The following DYRK4 variants were observed in gnomAD, a reference collection of about 807,000 sequenced individuals.
The protein encoded by DYRK4 is dual specificity tyrosine phosphorylation regulated kinase 4.
A neutral mutation model predicts 68.3 loss-of-function variants in DYRK4; 64 were observed. The observed-to-expected ratio is 0.94, with a 90% CI of 0.77 to 1.15. The LOEUF is 1.15. Among genes scored for constraint, DYRK4 ranks in the 50% most tolerant of loss-of-function variants. The probability of loss-of-function intolerance (pLI) is 0.00; values close to 1 mark genes in which losing one functional copy is unlikely to be tolerated. For synonymous variants in DYRK4, 274 were observed against 289.9 expected, an observed-to-expected ratio of 0.95 and a Z score of 0.56; for missense variants, 740 against 764.7, an observed-to-expected ratio of 0.97 and a Z score of 0.38.
At chr12:4,609,732 A>G (rs1329864964) in intron 12 of DYRK4, among the ~76,000 whole-genome samples, 1 of 152,228 alleles carries the variant, frequency 6.6e-6, no homozygotes, top group Non-Finnish European at 1.5e-5. Context: ...ATGTAGGATG[A>G]AGTGGGAGGG....
At chr12:4,611,474 GTTATC>G (rs754207383) in intron 13 of DYRK4, among the ~76,000 whole-genome samples, 15 of 151,972 alleles carry the variant, frequency 9.9e-5, no homozygotes, top group Non-Finnish European at 1.3e-4. Flanking sequence ...GATGGGGACT[GTTATC>G]TTATATATAT....
intron 2 of DYRK4, among the ~76,000 whole-genome samples, chr12:4,576,900 A>G (rs1944794996): frequency 6.6e-6 from 1 of 152,210 alleles, no homozygotes; most frequent in African/African-American, 2.4e-5. Flanking sequence ...GTATACTTAG[A>G]CACAATCCCT....
intron 1 of DYRK4, among the ~76,000 whole-genome samples, chr12:4,566,210 A>G (rs563003042): frequency 6.6e-6 from 1 of 152,232 alleles, no homozygotes; most frequent in East Asian, 1.9e-4. Context: ...GTGCTTCGTG[A>G]TATTGCCAGA....
At chr12:4,589,158 A>C in intron 3 of DYRK4, 141 bp downstream of exon 3, 1 of 656,906 alleles carries the variant, frequency 1.5e-6, no homozygotes, top group South Asian at 2.0e-5. Flanking sequence ...CCACGTCACC[A>C]CACCCCATCT....
intron 2 of DYRK4, among the ~76,000 whole-genome samples, chr12:4,584,162 C>A (rs1341773370): frequency 1.3e-5 from 2 of 152,172 alleles, no homozygotes; most frequent in Non-Finnish European, 1.5e-5. Context: ...TAGAATGTGG[C>A]TCCCAAATCT....
chr12:4,568,056 T>A lies in DYRK4; in HGVS notation c.132+8T>A. On this transcript the variant is annotated splice_region_variant and intron_variant, in intron 2 of 14. Transcript: ENST00000543431. ...AAGTTCACCTCTGCGAAGGTAAAGA[T>A]CCTTGAATTTTCACTGGGGAAGAGA... The A allele has an allele frequency of 6.5e-7, 1 of 1,535,416 alleles. No individual in the cohort carries two copies. The highest frequency in any genetic ancestry group is 8.7e-7 in the Non-Finnish European group (1 of 1,146,286).
chr12:4,564,848 A>G (rs1409577152), intron 1 of DYRK4, among the ~76,000 whole-genome samples: 3 of 152,238 alleles, frequency 2.0e-5, no homozygotes, highest in Middle Eastern at 3.2e-3. Flanking sequence ...ATCACCATCT[A>G]TGTCTCCAAA....
At chr12:4,565,534 C>T (rs527595188) in intron 1 of DYRK4, among the ~76,000 whole-genome samples, 15 of 152,246 alleles carry the variant, frequency 9.9e-5, no homozygotes, top group South Asian at 4.2e-4. Context: ...GATTCCTCAG[C>T]GTTTCCTTCA....
intron 3 of DYRK4, 123 bp downstream of exon 3, chr12:4,589,140 C>G: frequency 1.3e-6 from 1 of 775,884 alleles, no homozygotes; most frequent in South Asian, 1.7e-5. Context: ...ATGATGACAG[C>G]ACTCTATCCA....
Position 4,568,027 on chromosome 12 carries a change from A to G in DYRK4, c.111A>G (p.Lys37=), listed in dbSNP as rs1218724913. The part of the protein sequence containing the change: ...TPFLVLKARK[K]QKFTSAKVGS... ...TCCTGGTTTTGAAAGCAAGAAAGAA[A>G]CAAAAGTTCACCTCTGCGAAGGTAA... The change falls in exon 2 of 15, where the codon AAA becomes AAG. Residue 37 remains lysine (K), a synonymous_variant. Transcript: ENST00000543431. 1 of 1,536,144 alleles carries G rather than the reference A, an allele frequency of 6.5e-7. No individual in the cohort carries two copies. The highest frequency in any genetic ancestry group is 8.7e-7 in the Non-Finnish European group (1 of 1,146,904).
At chr12:4,595,551 C>T (rs1047471681) in intron 6 of DYRK4, among the ~76,000 whole-genome samples, 4 of 152,124 alleles carry the variant, frequency 2.6e-5, no homozygotes, top group South Asian at 2.1e-4. Flanking sequence ...AAATATTTCT[C>T]TTCACCAAGA....
At chr12:4,599,246 C>T in intron 9 of DYRK4, 80 bp downstream of exon 9, 1 of 1,272,950 alleles carries the variant, frequency 7.9e-7, no homozygotes, top group Admixed American at 2.2e-5. Flanking sequence ...CAATCACAAA[C>T]TCCAATCAAA....
In DYRK4 at chr12:4,586,729, C is replaced by CACACACAG. The variant is rs368783190; in HGVS notation, c.133-2205_133-2204insCACAGACA. 9.1e-3 allele frequency among the ~76,000 whole-genome samples: 1,027 copies of CACACACAG among 112,446 alleles called. 5 individuals are homozygous for CACACACAG. The highest frequency in any genetic ancestry group is 0.013 in the African/African-American group (452 of 35,214). The allele number at this position is 112,446 out of a possible 152,430, so 73.8% of individuals were successfully genotyped here. ...GTACACACACACACACACACACACA[C>CACACACAG]ACAGACACACACACACACCCCTTTG... is the stretch of plus-strand genomic sequence containing the variant. On this transcript the variant is annotated intron_variant, in intron 2 of 14. Coordinates refer to ENST00000543431, the MANE Select transcript of DYRK4 (RefSeq NM_001394779.1).
chr12:4,581,965 T>C (rs970505231), intron 2 of DYRK4, among the ~76,000 whole-genome samples: 2 of 152,246 alleles, frequency 1.3e-5, no homozygotes, highest in Non-Finnish European at 2.9e-5. Context: ...ATGTTGCATA[T>C]ACACTTTATG....
chr12:4,602,502 T>C, intron 10 of DYRK4: 1 of 1,312,588 alleles, frequency 7.6e-7, no homozygotes, highest in African/African-American at 1.4e-5. Context: ...CTTGGACAAG[T>C]CTTGCGGTTG....
intron 1 of DYRK4, among the ~76,000 whole-genome samples, chr12:4,565,552 C>T (rs1451309386): frequency 3.3e-5 from 5 of 152,246 alleles, no homozygotes; most frequent in Non-Finnish European, 7.4e-5. Context: ...TCAGTGTTTG[C>T]TCCTTCTCTG....
intron 6 of DYRK4, among the ~76,000 whole-genome samples, chr12:4,595,794 C>G (rs971454048): frequency 6.6e-6 from 1 of 152,192 alleles, no homozygotes; most frequent in African/African-American, 2.4e-5. Flanking sequence ...TTTTTCCAAC[C>G]CTCTTACTTT....
At chr12:4,597,855 C>T (rs1249202686) in intron 8 of DYRK4, among the ~76,000 whole-genome samples, 2 of 152,080 alleles carry the variant, frequency 1.3e-5, no homozygotes, top group African/African-American at 2.4e-5. Flanking sequence ...GCCTGGCCAA[C>T]GTGGTGAAAC....
In DYRK4 at chr12:4,574,186, C is replaced by T. The variant is rs181863170; in HGVS notation, c.132+6138C>T. ...GTTGCAGTGCGCCGAGATCGCGCCA[C>T]TGCACCCTGGCCTGGGCGACAGAGC... On this transcript the variant is annotated intron_variant, in intron 2 of 14. Transcript: ENST00000543431. 8.4e-3 allele frequency among the ~76,000 whole-genome samples: 1,243 copies of T among 147,214 alleles called. 8 individuals are homozygous for T. The highest frequency in any genetic ancestry group is 0.024 in the South Asian group (111 of 4,670).
Sources: gnomAD v4.1 joint callset for allele counts (sites outside exome capture counted in the v4.1 genomes callset) on GRCh38, gnomAD v4.1.1 for gene constraint, MANE v1.5 for transcripts, NCBI Gene and HGNC (gene_info 2026-07-23, HGNC 2026-07-21) for gene names.